Variants in MAML2 observed in about 807,000 individuals in gnomAD.
MAML2 encodes the protein mastermind like transcriptional coactivator 2, also known as mastermind-like protein 2.
A neutral mutation model predicts 96.1 loss-of-function variants in MAML2; 22 were observed. The observed-to-expected ratio is 0.23, with a 90% CI of 0.16 to 0.33. The LOEUF is 0.33. MAML2 is among the 10% of genes least tolerant of loss of function. The pLI is 1.00. For missense variants in MAML2, 1,367 were observed against 1,392.4 expected, an observed-to-expected ratio of 0.98 and a Z score of 0.29; for synonymous variants, 561 against 521.3, an observed-to-expected ratio of 1.08 and a Z score of -1.04.
chr11:96,303,410 T>C (rs7926612), intron 1 of MAML2, among the ~76,000 whole-genome samples: 4,486 of 152,306 alleles, frequency 0.029, 216 homozygotes, highest in African/African-American at 0.1. Flanking sequence ...TAGTTATCTA[T>C]ATATAACAAT....
intron 2 of MAML2, among the ~76,000 whole-genome samples, chr11:96,019,019 T>C (rs1858397692): frequency 6.6e-6 from 1 of 151,958 alleles, no homozygotes; most frequent in African/African-American, 2.4e-5. Context: ...AGAAGAGAAG[T>C]AGGGAGTTAG....
intron 2 of MAML2, among the ~76,000 whole-genome samples, chr11:96,036,475 G>T (rs1858713812): frequency 6.6e-6 from 1 of 152,178 alleles, no homozygotes; most frequent in African/African-American, 2.4e-5. Context: ...CCCTGGAACA[G>T]GTCTGGTCAC....
At chr11:96,206,320 G>A (rs557394199) in intron 1 of MAML2, among the ~76,000 whole-genome samples, 113 of 152,276 alleles carry the variant, frequency 7.4e-4, no homozygotes, top group Middle Eastern at 3.4e-3. Flanking sequence ...CCGGATAGGC[G>A]GGTGCGGTGG....
chr11:96,260,369 C>A (rs997535027), intron 1 of MAML2, among the ~76,000 whole-genome samples: 1 of 152,214 alleles, frequency 6.6e-6, no homozygotes, highest in Non-Finnish European at 1.5e-5. Context: ...TCATGCCACA[C>A]CCTTCTCAAC....
chr11:96,206,980 A>T (rs1861905065), intron 1 of MAML2, among the ~76,000 whole-genome samples: 1 of 152,124 alleles, frequency 6.6e-6, no homozygotes, highest in Admixed American at 6.5e-5. Flanking sequence ...GGGCAGGGAA[A>T]TATCATCGCC....
chr11:96,162,856 C>T (rs1861134915), intron 1 of MAML2, among the ~76,000 whole-genome samples: 1 of 152,184 alleles, frequency 6.6e-6, no homozygotes, highest in African/African-American at 2.4e-5. Context: ...AGCCTGGAGT[C>T]TGGCATAGTT....
intron 1 of MAML2, among the ~76,000 whole-genome samples, chr11:96,208,528 T>C (rs935263785): frequency 3.9e-5 from 6 of 152,250 alleles, no homozygotes; most frequent in African/African-American, 1.4e-4. Context: ...GTAGAGATAC[T>C]TGAAGTAATA....
chr11:96,263,740 G>T (rs1045425972), intron 1 of MAML2, among the ~76,000 whole-genome samples: 3 of 152,194 alleles, frequency 2.0e-5, no homozygotes, highest in Non-Finnish European at 4.4e-5. Flanking sequence ...GTATGGAGGG[G>T]GGCTGGTGGG....
At chr11:96,311,073 C>T (rs989094661) in intron 1 of MAML2, among the ~76,000 whole-genome samples, 2 of 152,206 alleles carry the variant, frequency 1.3e-5, no homozygotes, top group African/African-American at 4.8e-5. Context: ...CACCCCATTT[C>T]ATACATAAGG....
At chr11:96,169,119 A>G (rs992548621) in intron 1 of MAML2, among the ~76,000 whole-genome samples, 8 of 152,224 alleles carry the variant, frequency 5.3e-5, no homozygotes, top group Admixed American at 5.2e-4. Context: ...TCTGACTCCC[A>G]TGCAGGGAAT....
At chr11:95,987,467 T>C (rs1000666743) in intron 3 of MAML2, among the ~76,000 whole-genome samples, 6 of 152,166 alleles carry the variant, frequency 3.9e-5, no homozygotes, top group Admixed American at 3.9e-4. Context: ...CAAAGCAATC[T>C]CAATTTTCAA....
intron 1 of MAML2, among the ~76,000 whole-genome samples, chr11:96,204,271 A>G (rs1861866322): frequency 6.6e-6 from 1 of 152,230 alleles, no homozygotes; most frequent in Non-Finnish European, 1.5e-5. Flanking sequence ...TTCAATATTT[A>G]TTGAGCACCT....
intron 1 of MAML2, among the ~76,000 whole-genome samples, chr11:96,123,792 C>T (rs1342364487): frequency 1.3e-5 from 2 of 151,954 alleles, no homozygotes; most frequent in African/African-American, 2.4e-5. Context: ...AAGAGTAACC[C>T]GGCCGGCATG....
chr11:96,116,189 G>T (rs1445835079), intron 1 of MAML2, among the ~76,000 whole-genome samples: 1 of 152,192 alleles, frequency 6.6e-6, no homozygotes, highest in Non-Finnish European at 1.5e-5. Context: ...CGCTATAAGT[G>T]TGAATAATGC....
chr11:96,243,506 C>CAT (rs1181594923), intron 1 of MAML2, among the ~76,000 whole-genome samples: 1 of 152,218 alleles, frequency 6.6e-6, no homozygotes. Flanking sequence ...CCGCGCGGCT[C>CAT]AGACCTCGCG....
chr11:96,178,564 C>G (rs747248000), intron 1 of MAML2, among the ~76,000 whole-genome samples: 2 of 152,110 alleles, frequency 1.3e-5, no homozygotes, highest in African/African-American at 2.4e-5. Flanking sequence ...GAGTGATTGC[C>G]TCTGAGGGGG....
At chr11:96,286,031 T>A (rs1403719125) in intron 1 of MAML2, among the ~76,000 whole-genome samples, 16 of 152,214 alleles carry the variant, frequency 1.1e-4, no homozygotes. Context: ...ATGCGTATGT[T>A]CATTGCAGCA....
At chr11:96,315,033 C>T (rs1011494501) in intron 1 of MAML2, among the ~76,000 whole-genome samples, 84 of 152,216 alleles carry the variant, frequency 5.5e-4, no homozygotes, top group African/African-American at 1.6e-3. Flanking sequence ...ACAGTAGGCA[C>T]TAGAAAGCTT....
intron 1 of MAML2, among the ~76,000 whole-genome samples, chr11:96,326,094 G>GC (rs113693304): frequency 0.17 from 10,659 of 61,628 alleles, 712 homozygotes; most frequent in African/African-American, 0.33. Context: ...TGTCTACCCC[G>GC]CCCCCCCCCC....
Sources: allele counts gnomAD v4.1 joint callset (sites outside exome capture counted in the v4.1 genomes callset), GRCh38; gene constraint gnomAD v4.1.1; transcripts MANE v1.5; gene names NCBI Gene and HGNC (gene_info 2026-07-23, HGNC 2026-07-21).